The following ATP8A1 variants were observed in gnomAD, a reference collection of about 807,000 sequenced individuals.
The protein encoded by ATP8A1 is ATPase phospholipid transporting 8A1, also known as phospholipid-transporting ATPase IA.
In ATP8A1, 90 loss-of-function variants were observed where a neutral mutation model predicts 177.7. The ratio of observed to expected loss-of-function variants is 0.51; its 90% CI spans 0.43 to 0.60. ATP8A1 has a LOEUF of 0.60. Among genes scored for constraint, ATP8A1 ranks in the 20% least tolerant of loss-of-function variants. ATP8A1 has a pLI of 0.00. For synonymous variants in ATP8A1, 493 were observed against 485.9 expected, an observed-to-expected ratio of 1.01 and a Z score of -0.19; for missense variants, 1,072 against 1,392.8, an observed-to-expected ratio of 0.77 and a Z score of 3.67.
At chr4:42,419,505 T>C (rs550033896) in intron 35 of ATP8A1, among the ~76,000 whole-genome samples, 92 of 152,176 alleles carry the variant, frequency 6.0e-4, no homozygotes, top group Non-Finnish European at 1.2e-3. Context: ...TGCAAACAGC[T>C]GAAAAAATTG....
At chr4:42,461,517 G>A (rs184515975) in intron 27 of ATP8A1, among the ~76,000 whole-genome samples, 3 of 152,140 alleles carry the variant, frequency 2.0e-5, no homozygotes, top group African/African-American at 4.8e-5. Flanking sequence ...CATGTAAGAC[G>A]TGACTTGTTC....
intron 20 of ATP8A1, among the ~76,000 whole-genome samples, chr4:42,542,196 G>T (rs1447787564): frequency 1.3e-5 from 2 of 151,996 alleles, no homozygotes; most frequent in African/African-American, 4.8e-5. Flanking sequence ...TAAAAATAAA[G>T]TCTATATGAA....
At position 42,448,828 on chromosome 4, in the gene ATP8A1, G is replaced by GTTT. The variant is rs55946444; in HGVS notation, c.2897-2187_2897-2185dup. On this transcript the variant is annotated intron_variant, in intron 30 of 36. Transcript: ENST00000381668. ...TCCATCAGTCTACTTTGTACTTTGCGTTTTTTTTTTTTTTTTTTTTTTTTT... is the reference window on the plus strand; with the variant it reads ...TCCATCAGTCTACTTTGTACTTTGCGTTTTTTTTTTTTTTTTTTTTTTTTTTTT... Among the ~76,000 whole-genome samples, 163 of 84,206 alleles carry GTTT rather than the reference G, an allele frequency of 1.9e-3. 6 individuals are homozygous for GTTT. Among genetic ancestry groups the GTTT allele is most frequent in the African/African-American group, 7.1e-3 (157 of 22,200 alleles). 55.2% of individuals were successfully genotyped at this position (84,206 alleles called of 152,430 possible).
intron 19 of ATP8A1, among the ~76,000 whole-genome samples, chr4:42,547,107 T>G (rs73165773): frequency 3.5e-4 from 54 of 152,362 alleles, no homozygotes; most frequent in African/African-American, 1.3e-3. Flanking sequence ...GCTTGCCTGA[T>G]AGCTCTGCTT....
At chr4:42,480,915 T>C (rs1022802865) in intron 25 of ATP8A1, among the ~76,000 whole-genome samples, 14 of 152,222 alleles carry the variant, frequency 9.2e-5, no homozygotes, top group African/African-American at 3.4e-4. Context: ...ATAAATTATG[T>C]AGAACGATGA....
intron 4 of ATP8A1, among the ~76,000 whole-genome samples, chr4:42,618,281 C>A (rs1577712397): frequency 6.6e-6 from 1 of 152,220 alleles, no homozygotes. Flanking sequence ...TTGCTCAAGG[C>A]TTACTCCCTG....
chr4:42,507,293 T>C (rs1724470151), intron 22 of ATP8A1, 139 bp from the exon 23 acceptor site: 4 of 902,222 alleles, frequency 4.4e-6, no homozygotes, highest in South Asian at 3.5e-5. Flanking sequence ...AACTATCCCA[T>C]TGAGTTTTCT....
intron 23 of ATP8A1, 59 bp downstream of exon 23, chr4:42,506,957 T>C: frequency 1.9e-6 from 3 of 1,552,652 alleles, no homozygotes; most frequent in South Asian, 2.3e-5. Flanking sequence ...ATCCATCTTC[T>C]GAACTACATT....
At chr4:42,496,725 A>G (rs890878536) in intron 24 of ATP8A1, among the ~76,000 whole-genome samples, 6 of 152,130 alleles carry the variant, frequency 3.9e-5, no homozygotes, top group African/African-American at 1.4e-4. Flanking sequence ...AATTTCCATT[A>G]TTTTATATAG....
chr4:42,635,780 CACATATATATATATAT>C (rs1427266666), intron 1 of ATP8A1, among the ~76,000 whole-genome samples: 1 of 43,470 alleles, frequency 2.3e-5, no homozygotes, highest in Non-Finnish European at 5.1e-5. Flanking sequence ...CACACACACA[CACATATATATATATAT>C]ATATATATAT....
rs527699838 is a variant in ATP8A1, at chr4:42,589,009, T to C, written c.525-680A>G. 2.6e-5 allele frequency among the ~76,000 whole-genome samples: 4 copies of C among 152,304 alleles called. No individual in the cohort carries two copies. The South Asian group carries it at 8.3e-4, about 32-fold the overall frequency. ...AAACTAAAATCAGTCAGCTAGGCCA[T>C]ATTGCTCCTTGACCTAGAAGATGCA... On this transcript the variant is annotated intron_variant, in intron 7 of 36. Coordinates refer to ENST00000381668, the MANE Select transcript of ATP8A1 (RefSeq NM_006095.2).
chr4:42,453,195 C>A (rs1051695776), intron 29 of ATP8A1, among the ~76,000 whole-genome samples: 1 of 152,188 alleles, frequency 6.6e-6, no homozygotes, highest in Non-Finnish European at 1.5e-5. Context: ...CTCAGAACCT[C>A]CGACCCTTTT....
At chr4:42,493,026 C>T (rs28670378) in intron 24 of ATP8A1, among the ~76,000 whole-genome samples, 145 of 152,350 alleles carry the variant, frequency 9.5e-4, no homozygotes, top group African/African-American at 3.4e-3. Flanking sequence ...TGTGACACAA[C>T]TCTTCATAGC....
chr4:42,608,158 G>C (rs868686064), intron 5 of ATP8A1, among the ~76,000 whole-genome samples: 3 of 152,026 alleles, frequency 2.0e-5, no homozygotes, highest in Admixed American at 1.3e-4. Flanking sequence ...GAGAACATTC[G>C]GGATTCCTCA....
chr4:42,423,742 C>A, intron 33 of ATP8A1, 37 bp from the exon 34 acceptor site: 1 of 1,332,994 alleles, frequency 7.5e-7, no homozygotes, highest in Non-Finnish European at 1.1e-6. Context: ...ACTTTAAAAC[C>A]AAAAAATACA....
intron 29 of ATP8A1, among the ~76,000 whole-genome samples, chr4:42,452,394 T>C (rs1430334164): frequency 6.6e-6 from 1 of 152,212 alleles, no homozygotes; most frequent in Admixed American, 6.5e-5. Flanking sequence ...TTTTCATAAT[T>C]CCAGAAGAAT....
At chr4:42,532,884 C>T (rs2153202027) in intron 20 of ATP8A1, among the ~76,000 whole-genome samples, 1 of 152,334 alleles carries the variant, frequency 6.6e-6, no homozygotes, top group South Asian at 2.1e-4. Context: ...TCTCCCTCAC[C>T]CTTAAGAAGG....
In ATP8A1 at chr4:42,444,445, C is replaced by A. The variant is rs540776735; in HGVS notation, c.3015+133G>T. Reference sequence around the variant, plus strand: ...TCTCCTTCCCCTACCCCTGACACCCCACAATTGAAAACCTGTGGACTAGGA... The same window carrying A: ...TCTCCTTCCCCTACCCCTGACACCCAACAATTGAAAACCTGTGGACTAGGA... On this transcript the variant is annotated intron_variant, in intron 32 of 36. Coordinates refer to ENST00000381668, the MANE Select transcript of ATP8A1 (RefSeq NM_006095.2). 3.2e-5 allele frequency: 26 copies of A among 812,988 alleles called. No individual in the cohort carries two copies. In the African/African-American group the frequency reaches 3.7e-4, roughly 11 times the overall value. 50.4% of individuals were successfully genotyped at this position (812,988 alleles called of 1,614,324 possible). A position where few individuals can be genotyped will look rare whatever the true frequency, so the allele number is the denominator to read the frequency against.
rs1722840629 is a variant in ATP8A1 at position 42,492,557 on chromosome 4, AC to A, written c.2152-6890del. 3.3e-5 allele frequency among the ~76,000 whole-genome samples: 5 copies of A among 152,178 alleles called. No individual in the cohort carries two copies. In the South Asian group the frequency reaches 1.0e-3, roughly 32 times the overall value. ...CCATCATGCACAGACACAAGAAGAC[AC>A]TGTCTATGAACCAGGAAGAAGGCTC... is the stretch of plus-strand genomic sequence containing the variant. On this transcript the variant is annotated intron_variant, in intron 24 of 36. Coordinates refer to ENST00000381668, the MANE Select transcript of ATP8A1 (RefSeq NM_006095.2).
Sources: allele counts gnomAD v4.1 joint callset (sites outside exome capture counted in the v4.1 genomes callset), GRCh38; gene constraint gnomAD v4.1.1; transcripts MANE v1.5; gene names NCBI Gene and HGNC (gene_info 2026-07-23, HGNC 2026-07-21).